Variants in ANOS1 observed in about 807,000 individuals in gnomAD.
ANOS1 encodes the protein anosmin-1.
In ANOS1, 6 loss-of-function variants were observed where a neutral mutation model predicts 59.0. The observed-to-expected ratio is 0.10, with a 90% CI of 0.06 to 0.20. ANOS1 has a LOEUF of 0.20. Ranked by LOEUF, ANOS1 falls within the 10% of genes least tolerant of loss-of-function variation. The probability of loss-of-function intolerance (pLI) is 1.00; values close to 1 mark genes in which losing one functional copy is unlikely to be tolerated. For synonymous variants in ANOS1, 217 were observed against 223.4 expected (o/e 0.97, Z 0.25); for missense variants, 433 against 542.3 (o/e 0.80, Z 2.00).
chrX:8,640,591 C>CA (rs545822787), intron 2 of ANOS1, among the ~76,000 whole-genome samples: 3,991 of 31,440 alleles, frequency 0.13, 317 homozygotes, highest in African/African-American at 0.3. Context: ...TGAACCTGTA[C>CA]AAAAAAAAAA....
chrX:8,666,785 C>T (rs749801159), intron 2 of ANOS1, among the ~76,000 whole-genome samples: 1 of 111,653 alleles, frequency 9.0e-6, no homozygotes, highest in Admixed American at 9.5e-5. Context: ...GCTGATAAGT[C>T]CCCTTCAACT....
intron 2 of ANOS1, among the ~76,000 whole-genome samples, chrX:8,633,183 C>G (rs776319972): frequency 3.6e-4 from 40 of 111,747 alleles, no homozygotes; most frequent in Non-Finnish European, 6.4e-4. Flanking sequence ...ACAACAGCAT[C>G]AGGCCTGAGA....
intron 9 of ANOS1, among the ~76,000 whole-genome samples, chrX:8,545,409 AAGGCAGGCAGGCAGGC>A (rs1555982858): frequency 1.9e-5 from 2 of 104,590 alleles, no homozygotes; most frequent in Admixed American, 1.0e-4. Context: ...GGAAGGAAGG[AAGGCAGGCAGGCAGGC>A]AGGCAGGCCA....
At chrX:8,542,303 G>C (rs187702239) in intron 9 of ANOS1, among the ~76,000 whole-genome samples, 73 of 111,565 alleles carry the variant, frequency 6.5e-4, no homozygotes, top group Non-Finnish European at 1.2e-3. Flanking sequence ...CACCTCAACT[G>C]CTCCTTGCAT....
chrX:8,569,982 T>A (rs1240060419), intron 7 of ANOS1, among the ~76,000 whole-genome samples: 1 of 111,165 alleles, frequency 9.0e-6, no homozygotes, highest in Non-Finnish European at 1.9e-5. Context: ...ATCTGACGGA[T>A]AAACCACTCC....
chrX:8,554,607 C>T (rs1263222681), intron 8 of ANOS1, among the ~76,000 whole-genome samples: 10 of 87,767 alleles, frequency 1.1e-4, no homozygotes, highest in African/African-American at 4.4e-4. Flanking sequence ...CTCGCTCTGT[C>T]GCCCAACAAA....
chrX:8,702,946 T>C (rs1386858518), intron 1 of ANOS1, among the ~76,000 whole-genome samples: 2 of 112,214 alleles, frequency 1.8e-5, no homozygotes, highest in South Asian at 3.7e-4. Flanking sequence ...GTTCTGCTCC[T>C]TGGACTAGAA....
At chrX:8,580,992 G>T (rs1022037774) in intron 6 of ANOS1, among the ~76,000 whole-genome samples, 1 of 111,632 alleles carries the variant, frequency 9.0e-6, no homozygotes, top group African/African-American at 3.3e-5. Flanking sequence ...GGAGCAAACA[G>T]GGATAAATGG....
chrX:8,542,398 C>T (rs1185152252), intron 9 of ANOS1, among the ~76,000 whole-genome samples: 1 of 110,672 alleles, frequency 9.0e-6, no homozygotes, highest in East Asian at 2.8e-4. Flanking sequence ...CAAGCAACTC[C>T]AACAGCCTCA....
In ANOS1 at chrX:8,684,446, G is replaced by A. The variant is rs145158821; in HGVS notation, c.255+15252C>T. 8.7e-3 allele frequency among the ~76,000 whole-genome samples: 966 copies of A among 111,457 alleles called. 16 individuals carry two copies. The highest frequency in any genetic ancestry group is 0.03 in the African/African-American group (924 of 30,659). On this transcript the variant is annotated intron_variant, in intron 2 of 13. Coordinates refer to ENST00000262648, the MANE Select transcript of ANOS1 (RefSeq NM_000216.4). ...CCGGCCGTAATGTGAATTCCCCAGA[G>A]TCGGTACACTGTGCTCACTGAAGCA... is the stretch of plus-strand genomic sequence containing the variant.
In ANOS1 at chrX:8,531,109, T is replaced by G. The variant is rs1016827302; in HGVS notation, c.*1886A>C. Reference sequence around the variant, plus strand: ...TGAACCATTCAGAACCAACATGAACTTTCATTCTGAGGTGTCCAATTTATG... The same window carrying G: ...TGAACCATTCAGAACCAACATGAACGTTCATTCTGAGGTGTCCAATTTATG... On this transcript the variant is annotated 3_prime_UTR_variant, in exon 14 of 14. Transcript: ENST00000262648. 2 of 103,011 alleles carry G rather than the reference T, an allele frequency of 1.9e-5. No homozygotes were observed. Among genetic ancestry groups the G allele is most frequent in the African/African-American group, 3.6e-5 (1 of 28,103 alleles). 8.5% of individuals were successfully genotyped at this position (103,011 alleles called of 1,213,427 possible). A position where few individuals can be genotyped will look rare whatever the true frequency, so the allele number is the denominator to read the frequency against.
intron 6 of ANOS1, among the ~76,000 whole-genome samples, chrX:8,573,149 C>T (rs940615674): frequency 1.9e-5 from 2 of 106,918 alleles, no homozygotes; most frequent in African/African-American, 3.4e-5. Context: ...AACCTCTGCC[C>T]GCCTGCCTAG....
intron 1 of ANOS1, among the ~76,000 whole-genome samples, chrX:8,731,321 C>A (rs1256575980): frequency 8.9e-6 from 1 of 111,936 alleles, no homozygotes; most frequent in Non-Finnish European, 1.9e-5. Context: ...GAGCTCTGAG[C>A]CCTCAGAGAG....
intron 2 of ANOS1, among the ~76,000 whole-genome samples, chrX:8,632,419 G>A (rs1419645833): frequency 4.5e-5 from 5 of 111,921 alleles, no homozygotes; most frequent in Non-Finnish European, 9.4e-5. Flanking sequence ...GACCAATAAG[G>A]AGACTTTATT....
At chrX:8,581,318 T>C (rs898457364) in intron 6 of ANOS1, among the ~76,000 whole-genome samples, 1 of 111,665 alleles carries the variant, frequency 9.0e-6, no homozygotes, top group Non-Finnish European at 1.9e-5. Flanking sequence ...GCTGCCACCA[T>C]GTAAGAAGAG....
intron 9 of ANOS1, among the ~76,000 whole-genome samples, chrX:8,545,059 T>A (rs1183297628): frequency 3.0e-4 from 6 of 20,204 alleles, no homozygotes; most frequent in South Asian, 2.5e-3. Context: ...AGAGAGAAAC[T>A]CCAAAAAAAA....
chrX:8,548,962 G>C (rs759046192), intron 9 of ANOS1, among the ~76,000 whole-genome samples: 6 of 111,839 alleles, frequency 5.4e-5, no homozygotes, highest in Non-Finnish European at 1.1e-4. Flanking sequence ...ATAGAGGCTA[G>C]TTTACCTCCG....
chrX:8,636,508 T>C (rs1243255175), intron 2 of ANOS1, among the ~76,000 whole-genome samples: 1 of 112,229 alleles, frequency 8.9e-6, no homozygotes. Flanking sequence ...TGCATCTCTT[T>C]GTCTGAGAGG....
rs2146784839 is a variant in ANOS1 at position 8,532,999 on chromosome X, T to C, written c.2039A>G (p.Tyr680Cys). 1 of 1,153,809 alleles carries C rather than the reference T, an allele frequency of 8.7e-7. No individual in the cohort carries two copies. Among genetic ancestry groups the C allele is most frequent in the South Asian group, 1.8e-5 (1 of 55,605 alleles). ...CACAAAATCTTTTTGAACAGTTTAG[T>C]ATCTTTCTGGAGAAGGCTTGTAATG... ...PHHYKPSPER[Y>C] Residue 680 changes from tyrosine to cysteine, a missense_variant, in exon 14 of 14, where the codon TAC becomes TGC. Transcript: ENST00000262648.
Sources: gnomAD v4.1 joint callset for allele counts (sites outside exome capture counted in the v4.1 genomes callset) on GRCh38, gnomAD v4.1.1 for gene constraint, MANE v1.5 for transcripts, NCBI Gene and HGNC (gene_info 2026-07-23, HGNC 2026-07-21) for gene names.